Variants in CRTAM observed in about 807,000 individuals in gnomAD.
CRTAM encodes cytotoxic and regulatory T cell molecule, also known as cytotoxic and regulatory T-cell molecule.
A neutral mutation model predicts 50.0 loss-of-function variants in CRTAM; 44 were observed. The observed-to-expected ratio is 0.88, with a 90% CI of 0.69 to 1.13. CRTAM has a LOEUF of 1.13. CRTAM is among the 50% of genes most tolerant of loss of function. CRTAM has a pLI of 0.00. For missense variants in CRTAM, 448 were observed against 457.5 expected, an observed-to-expected ratio of 0.98 and a Z score of 0.19; for synonymous variants, 159 against 169.3, an observed-to-expected ratio of 0.94 and a Z score of 0.47.
At chr11:122,863,351 AAAAGAAAGAAAGAAAGAAAAAG>A (rs1367626440) in intron 6 of CRTAM, among the ~76,000 whole-genome samples, 15 of 60,610 alleles carry the variant, frequency 2.5e-4, no homozygotes, top group Non-Finnish European at 5.5e-4. Flanking sequence ...GAAAGAAAGA[AAAAGAAAGAAAGAAAGAAAAAG>A]AAAGAAAGAA....
At chr11:122,858,128 T>G (rs1862028616) in intron 5 of CRTAM, among the ~76,000 whole-genome samples, 1 of 152,124 alleles carries the variant, frequency 6.6e-6, no homozygotes, top group African/African-American at 2.4e-5. Context: ...CTCAGGCTGG[T>G]CTCAAAACTC....
intron 1 of CRTAM, among the ~76,000 whole-genome samples, chr11:122,840,655 C>T (rs59345946): frequency 0.11 from 16,443 of 152,166 alleles, 971 homozygotes; most frequent in Admixed American, 0.15. Flanking sequence ...AGGAGGTGAC[C>T]ATGTTGCTTT....
chr11:122,868,920 A>T (rs1862218391), intron 9 of CRTAM, among the ~76,000 whole-genome samples: 1 of 152,134 alleles, frequency 6.6e-6, no homozygotes. Flanking sequence ...GAGGCAGGAG[A>T]ATGGCGTGAA....
chr11:122,869,060 A>AT (rs1334815769), intron 9 of CRTAM, among the ~76,000 whole-genome samples: 1 of 152,148 alleles, frequency 6.6e-6, no homozygotes, highest in African/African-American at 2.4e-5. Flanking sequence ...TCAAAATCTG[A>AT]TTTTTTAGCA....
In CRTAM at chr11:122,871,477, A is replaced by T; in HGVS notation, c.*78A>T. 3 of 1,275,698 alleles carry T rather than the reference A, an allele frequency of 2.4e-6. No homozygotes were observed. The highest frequency in any genetic ancestry group is 3.3e-6 in the Non-Finnish European group (3 of 917,760). The allele number at this position is 1,275,698 out of a possible 1,614,324, so 79.0% of individuals were successfully genotyped here. A position where few individuals can be genotyped will look rare whatever the true frequency, so the allele number is the denominator to read the frequency against. ...TGGACCAGCCTGGGGGAAGGAGCTT[A>T]ATTGCTGAGACATTAATAATGACCT... On this transcript the variant is annotated 3_prime_UTR_variant, in exon 10 of 10. Transcript: ENST00000227348.
At chr11:122,868,554 A>C (rs1022714414) in intron 9 of CRTAM, among the ~76,000 whole-genome samples, 1 of 152,152 alleles carries the variant, frequency 6.6e-6, no homozygotes, top group African/African-American at 2.4e-5. Flanking sequence ...ATCAAGGGCA[A>C]ATCTCAATGC....
intron 5 of CRTAM, among the ~76,000 whole-genome samples, chr11:122,857,534 CA>C (rs1287719203): frequency 6.6e-6 from 1 of 152,182 alleles, no homozygotes; most frequent in East Asian, 1.9e-4. Flanking sequence ...TACTCATTGC[CA>C]GATCTCCAAA....
Position 122,871,515 on chromosome 11 carries a change from C to A in CRTAM, c.*116C>A. The A allele has an allele frequency of 1.3e-6, 1 of 791,788 alleles. No individual in the cohort carries two copies. The highest frequency in any genetic ancestry group is 1.9e-6 in the Non-Finnish European group (1 of 523,718). The allele number at this position is 791,788 out of a possible 1,614,324, so 49.0% of individuals were successfully genotyped here. ...TTAATAATGACCTCTTAGTGCAATG[C>A]AAGATGGTGTCCTCGGATAATGATC... On this transcript the variant is annotated 3_prime_UTR_variant, in exon 10 of 10. Transcript: ENST00000227348.
chr11:122,852,587 G>C lies in CRTAM; in HGVS notation c.346+742G>C, dbSNP rs771571343. 2.0e-5 allele frequency among the ~76,000 whole-genome samples: 3 copies of C among 152,072 alleles called. No individual in the cohort carries two copies. In the South Asian group the frequency reaches 6.2e-4, roughly 32 times the overall value. Reference sequence around the variant, plus strand: ...TACTGCAGTGTGGTGCCTGCCATACGGTAAAGGCATGATGGGAAAGTAGCT... The same window carrying C: ...TACTGCAGTGTGGTGCCTGCCATACCGTAAAGGCATGATGGGAAAGTAGCT... On this transcript the variant is annotated intron_variant, in intron 3 of 9. Transcript: ENST00000227348.
chr11:122,861,103 C>T (rs1165328674), intron 5 of CRTAM, among the ~76,000 whole-genome samples: 1 of 152,098 alleles, frequency 6.6e-6, no homozygotes, highest in African/African-American at 2.4e-5. Flanking sequence ...TTTTCTCTGG[C>T]ACCTGTGTGG....
intron 7 of CRTAM, among the ~76,000 whole-genome samples, chr11:122,866,944 C>T (rs1169328579): frequency 6.6e-6 from 1 of 152,066 alleles, no homozygotes; most frequent in East Asian, 1.9e-4. Flanking sequence ...TGATTTAGCC[C>T]AAATGCCTTC....
intron 7 of CRTAM, among the ~76,000 whole-genome samples, chr11:122,865,408 CTCTT>C (rs1862157434): frequency 6.6e-6 from 1 of 151,148 alleles, no homozygotes; most frequent in Admixed American, 6.6e-5. Flanking sequence ...AAAGATTTCT[CTCTT>C]TTTTTTTTCT....
In CRTAM at chr11:122,855,836, C is replaced by T. The variant is rs1467824849; in HGVS notation, c.632C>T (p.Pro211Leu). The change falls in exon 5 of 10, where the codon CCC (proline) becomes CTC (leucine). Residue 211 changes from proline to leucine, a missense_variant. By Grantham distance (98) the Pro-to-Leu change is moderately conservative. Transcript: ENST00000227348. ...CTGCAAGGGAGAAAACTAGTAGCAC[C>T]CTTCCGGTTTGAAGATTTGGGTAAG... ...RGLQGRKLVA[P>L]FRFEDLVTDE... The T allele has an allele frequency of 1.2e-6, 2 of 1,612,494 alleles. No homozygotes were observed. Among genetic ancestry groups the T allele is most frequent in the Non-Finnish European group, 1.7e-6 (2 of 1,179,584 alleles).
intron 1 of CRTAM, among the ~76,000 whole-genome samples, chr11:122,840,560 G>C (rs1477089323): frequency 6.6e-6 from 1 of 152,096 alleles, no homozygotes; most frequent in Admixed American, 6.6e-5. Flanking sequence ...GGGGCCACCC[G>C]AGGGCATCTA....
intron 3 of CRTAM, among the ~76,000 whole-genome samples, chr11:122,852,309 C>T (rs1027931889): frequency 6.6e-6 from 1 of 152,262 alleles, no homozygotes; most frequent in Non-Finnish European, 1.5e-5. Flanking sequence ...CTGCTCAAAT[C>T]CTCTCTGCCA....
Position 122,855,831 on chromosome 11 carries a change from A to G in CRTAM, c.627A>G (p.Val209=). 6.2e-7 allele frequency: 1 copy of G among 1,613,626 alleles called. No individual in the cohort carries two copies. Among genetic ancestry groups the G allele is most frequent in the Non-Finnish European group, 8.5e-7 (1 of 1,179,860 alleles). The change falls in exon 5 of 10, where the codon GTA becomes GTG. Residue 209 remains valine (V), a synonymous_variant. Coordinates refer to ENST00000227348, the MANE Select transcript of CRTAM (RefSeq NM_019604.4). ...RHRGLQGRKL[V]APFRFEDLVT... is the part of the protein sequence containing the mutation. ...GAGGCCTGCAAGGGAGAAAACTAGT[A>G]GCACCCTTCCGGTTTGAAGATTTGG...
In CRTAM at chr11:122,871,865, T is replaced by C. The variant is rs1862259260; in HGVS notation, c.*466T>C. On this transcript the variant is annotated 3_prime_UTR_variant, in exon 10 of 10. Transcript: ENST00000227348. ...AGAAGTTACTTCTGGCCAGGCGCGG[T>C]GGCTCATGCCTGTAATCCTAGCACT... 1 of 152,338 alleles carries C rather than the reference T, an allele frequency of 6.6e-6. No homozygotes were observed. The highest frequency in any genetic ancestry group is 6.5e-5 in the Admixed American group (1 of 15,282). 9.4% of individuals were successfully genotyped at this position (152,338 alleles called of 1,614,324 possible).
chr11:122,872,290 C>T lies in CRTAM; in HGVS notation c.*891C>T, dbSNP rs1862265721. ...CACAAAGAGGAGCTCAGGGTAGGCC[C>T]AAAGATTCGAATTCCTTAGATTACT... On this transcript the variant is annotated 3_prime_UTR_variant, in exon 10 of 10. Transcript: ENST00000227348. 1 of 152,192 alleles carries T rather than the reference C, an allele frequency of 6.6e-6. No individual in the cohort carries two copies. The highest frequency in any genetic ancestry group is 2.4e-5 in the African/African-American group (1 of 41,448). 9.4% of individuals were successfully genotyped at this position (152,192 alleles called of 1,614,324 possible).
chr11:122,867,450 G>A lies in CRTAM; in HGVS notation c.859G>A (p.Gly287Ser), dbSNP rs374289653. The A allele has an allele frequency of 6.2e-6, 10 of 1,613,726 alleles. No homozygotes were observed. The highest frequency in any genetic ancestry group is 7.6e-6 in the Non-Finnish European group (9 of 1,179,948). Residue 287 changes from glycine (G) to serine (S), a missense_variant, in exon 8 of 10, where the codon GGC (glycine) becomes AGC (serine). Transcript: ENST00000227348. The part of the protein sequence containing the change: ...QYLGLARKKS[G>S]ILLLTLVSFL... ...TTTAGGACTGGCAAGAAAGAAAAGT[G>A]GCATCCTGCTGCTCACGCTGGTGTC...
Sources: allele counts gnomAD v4.1 joint callset (sites outside exome capture counted in the v4.1 genomes callset), GRCh38; gene constraint gnomAD v4.1.1; transcripts MANE v1.5; gene names NCBI Gene and HGNC (gene_info 2026-07-23, HGNC 2026-07-21).